Variants in RBBP8 observed in about 807,000 individuals in gnomAD.
RBBP8 encodes DNA endonuclease RBBP8.
RBBP8 carries 88 observed loss-of-function variants against 108.3 expected under a neutral mutation model. The ratio of observed to expected loss-of-function variants is 0.81; its 90% CI spans 0.68 to 0.97. The LOEUF (loss-of-function observed/expected upper bound fraction) is 0.97. RBBP8 is among the 50% of genes least tolerant of loss of function. The pLI, the probability that RBBP8 is intolerant of heterozygous loss-of-function variation, is 0.00. For synonymous variants in RBBP8, 332 were observed against 348.2 expected, an observed-to-expected ratio of 0.95 and a Z score of 0.52; for missense variants, 1,023 against 1,049.0, an observed-to-expected ratio of 0.98 and a Z score of 0.34.
chr18:22,935,388 A>G (rs1910473445), intron 1 of RBBP8, among the ~76,000 whole-genome samples: 1 of 151,538 alleles, frequency 6.6e-6, no homozygotes, highest in African/African-American at 2.4e-5. Flanking sequence ...GCCTTTCTAA[A>G]AAAAAAACAA....
chr18:22,916,350 C>A (rs1363807701), intron 2 of RBBP8, among the ~76,000 whole-genome samples: 2 of 151,936 alleles, frequency 1.3e-5, no homozygotes, highest in African/African-American at 4.8e-5. Context: ...TAAAGAATAA[C>A]CAATGAATCC....
At chr18:22,976,092 G>A (rs896167221) in intron 6 of RBBP8, among the ~76,000 whole-genome samples, 2 of 152,054 alleles carry the variant, frequency 1.3e-5, no homozygotes, top group African/African-American at 4.8e-5. Context: ...GTAAAACTAT[G>A]TAGATGTAAC....
chr18:22,933,174 G>A (rs1442731535), upstream of RBBP8: 2 of 152,308 alleles, frequency 1.3e-5, no homozygotes. Context: ...CAGACTCTTC[G>A]GGTAGCTCCC....
intron 6 of RBBP8, 39 bp from the exon 7 acceptor site, chr18:22,982,179 C>T (rs776544939): frequency 9.4e-5 from 149 of 1,580,986 alleles, no homozygotes; most frequent in Non-Finnish European, 1.1e-4. Flanking sequence ...TTTTAATACT[C>T]ATTGAATTGA....
In RBBP8 at chr18:22,993,379, C is replaced by G; in HGVS notation, c.1552C>G (p.Gln518Glu). The change falls in exon 11 of 19, where the codon CAA becomes GAA. Residue 518 changes from glutamine (Q) to glutamate (E), a missense_variant. By Grantham distance (29) the Gln-to-Glu change is conservative. Transcript: ENST00000327155. ...TGAGACTTCTAAAAACAAATTTAGG[C>G]AAGTGACTCTTTATGAGGCTTTGAA... ...GSETSKNKFR[Q>E]VTLYEALKTI... 1 of 1,614,188 alleles carries G rather than the reference C, an allele frequency of 6.2e-7. No individual in the cohort carries two copies. The highest frequency in any genetic ancestry group is 8.5e-7 in the Non-Finnish European group (1 of 1,180,024).
At chr18:23,011,984 T>C (rs1178143904) in intron 16 of RBBP8, among the ~76,000 whole-genome samples, 1 of 151,742 alleles carries the variant, frequency 6.6e-6, no homozygotes, top group Non-Finnish European at 1.5e-5. Flanking sequence ...TTTGGGAGGC[T>C]GTGATGAGCA....
intron 12 of RBBP8, 116 bp downstream of exon 12, chr18:22,993,963 G>A (rs899369850): frequency 2.8e-6 from 3 of 1,066,202 alleles, no homozygotes; most frequent in African/African-American, 1.6e-5. Context: ...CTTCCTTCAG[G>A]TGTCTGTATT....
chr18:22,990,443 A>T (rs1354172026), intron 9 of RBBP8, among the ~76,000 whole-genome samples: 2 of 152,194 alleles, frequency 1.3e-5, no homozygotes, highest in Admixed American at 6.5e-5. Flanking sequence ...TTGGAATTGG[A>T]GTTTTATATA....
rs1421356566 is a variant in RBBP8 at position 23,001,630 on chromosome 18, C to T, written c.2188C>T (p.Arg730Trp). The T allele has an allele frequency of 5.0e-6, 8 of 1,613,890 alleles. No homozygotes were observed. The highest frequency in any genetic ancestry group is 1.6e-4 in the Middle Eastern group (1 of 6,082). The change falls in exon 15 of 19, where the codon CGG becomes TGG. Residue 730 changes from arginine (R) to tryptophan (W), a missense_variant. Physicochemically the swap from Arg to Trp is moderately radical, Grantham distance 101. Transcript: ENST00000327155. ...TGATAGCTTGGAAGATATGTTTGAT[C>T]GGACAACACATGAAGAGTATGAATC... Reference protein sequence around the residue: ...MNDSLEDMFDRTTHEEYESCL... With the variant: ...MNDSLEDMFDWTTHEEYESCL...
At chr18:22,937,194 C>T (rs556220240) in intron 2 of RBBP8, 11 of 680,644 alleles carry the variant, frequency 1.6e-5, no homozygotes, top group Admixed American at 3.2e-5. Context: ...AATCCCCACC[C>T]TCTTCCCACC....
At chr18:22,932,890 G>A (rs997819347), upstream of RBBP8, among the ~76,000 whole-genome samples, 2 of 152,182 alleles carry the variant, frequency 1.3e-5, no homozygotes, top group Non-Finnish European at 2.9e-5. Flanking sequence ...TTGATCTATG[G>A]CGTTACCGCA....
At chr18:23,000,784 AC>A (rs960363590) in intron 14 of RBBP8, among the ~76,000 whole-genome samples, 20 of 152,130 alleles carry the variant, frequency 1.3e-4, no homozygotes, top group Non-Finnish European at 2.6e-4. Flanking sequence ...TAAAGCCATA[AC>A]ATAAAGCCTT....
At position 22,991,370 on chromosome 18, in the gene RBBP8, A is replaced by G. The variant is rs892232950; in HGVS notation, c.920+321A>G. Among the ~76,000 whole-genome samples the G allele has an allele frequency of 3.3e-5, 5 of 152,294 alleles. No homozygotes were observed. The South Asian group carries it at 1.0e-3, about 32-fold the overall frequency. Reference sequence around the variant, plus strand: ...ATTTCCCAAAACTGGATGTTCTACAAAATGCATCTAGAAGCTTGGATGAGC... The same window carrying G: ...ATTTCCCAAAACTGGATGTTCTACAGAATGCATCTAGAAGCTTGGATGAGC... On this transcript the variant is annotated intron_variant, in intron 10 of 18. Coordinates refer to ENST00000327155, the MANE Select transcript of RBBP8 (RefSeq NM_002894.3).
At chr18:22,972,415 C>CA (rs1555638900) in intron 5 of RBBP8, among the ~76,000 whole-genome samples, 130 of 116,134 alleles carry the variant, frequency 1.1e-3, no homozygotes, top group Non-Finnish European at 2.0e-3. Flanking sequence ...TTGTTTATTT[C>CA]TTTTTTTTTT....
chr18:22,940,942 T>G (rs945265702), intron 2 of RBBP8, among the ~76,000 whole-genome samples: 3 of 152,080 alleles, frequency 2.0e-5, no homozygotes, highest in Admixed American at 1.3e-4. Flanking sequence ...CCACCACACC[T>G]GGTCATTCTA....
intron 16 of RBBP8, among the ~76,000 whole-genome samples, chr18:23,008,571 C>G (rs2046099455): frequency 6.6e-6 from 1 of 151,938 alleles, no homozygotes; most frequent in Non-Finnish European, 1.5e-5. Flanking sequence ...CCCATCTTTG[C>G]CTAAAGGAAA....
At chr18:23,016,356 C>T (rs1232724139) in intron 16 of RBBP8, among the ~76,000 whole-genome samples, 1 of 151,992 alleles carries the variant, frequency 6.6e-6, no homozygotes, top group Non-Finnish European at 1.5e-5. Flanking sequence ...ACTAGCCTGG[C>T]CAACATGGTG....
At chr18:22,987,375 G>C (rs1282315737) in intron 8 of RBBP8, among the ~76,000 whole-genome samples, 1 of 152,194 alleles carries the variant, frequency 6.6e-6, no homozygotes, top group Non-Finnish European at 1.5e-5. Flanking sequence ...CACTGGAACT[G>C]ATTCTGACTG....
At chr18:22,963,211 T>A (rs1347351631) in intron 4 of RBBP8, among the ~76,000 whole-genome samples, 1 of 152,158 alleles carries the variant, frequency 6.6e-6, no homozygotes, top group Non-Finnish European at 1.5e-5. Flanking sequence ...TAAATTTTTC[T>A]TGACTTAGGT....
Sources: gnomAD v4.1 joint callset for allele counts (sites outside exome capture counted in the v4.1 genomes callset) on GRCh38, gnomAD v4.1.1 for gene constraint, MANE v1.5 for transcripts, NCBI Gene and HGNC (gene_info 2026-07-23, HGNC 2026-07-21) for gene names.